The following PSG8 variants were observed in gnomAD, a reference collection of about 807,000 sequenced individuals.
PSG8 encodes the protein pregnancy specific beta-1-glycoprotein 8.
A neutral mutation model predicts 42.5 loss-of-function variants in PSG8; 57 were observed. The observed-to-expected ratio is 1.34, with a 90% CI of 1.08 to 1.67. The LOEUF (loss-of-function observed/expected upper bound fraction) is 1.67. Among genes scored for constraint, PSG8 ranks in the 40% most tolerant of loss-of-function variants. The pLI, the probability that PSG8 is intolerant of heterozygous loss-of-function variation, is 0.00. For missense variants in PSG8, 783 were observed against 518.6 expected (o/e 1.51, Z -4.95); for synonymous variants, 280 against 196.8 (o/e 1.42, Z -3.54).
At chr19:42,753,364 G>A (rs758343639), downstream of PSG8, 10 of 780,336 alleles carry the variant, frequency 1.3e-5, no homozygotes, top group Admixed American at 6.8e-5. Context: ...TAGAATTCAG[G>A]GTAATGTCCA....
chr19:42,762,380 T>C (rs759936417), intron 2 of PSG8, among the ~76,000 whole-genome samples: 1 of 151,968 alleles, frequency 6.6e-6, no homozygotes, highest in Admixed American at 6.6e-5. Context: ...CAGAATTACA[T>C]GAGCTGGGGT....
chr19:42,764,003 C>T lies in PSG8; in HGVS notation c.343G>A (p.Glu115Lys), dbSNP rs772994342. 6.2e-7 allele frequency: 1 copy of T among 1,613,626 alleles called. No individual in the cohort carries two copies. The highest frequency in any genetic ancestry group is 8.5e-7 in the Non-Finnish European group (1 of 1,179,830). ...ASLLIQNVTQ[E>K]DAGSYTLHII... Reference sequence around the variant, plus strand: ...TGTAAGGTGTAGGATCCTGCGTCTTCCTGGGTGACATTCTGGATCAGCAGG... The same window carrying T: ...TGTAAGGTGTAGGATCCTGCGTCTTTCTGGGTGACATTCTGGATCAGCAGG... Residue 115 changes from glutamate to lysine, a missense_variant, in exon 2 of 5, where the codon GAA becomes AAA. Glu to Lys is a moderately conservative substitution (Grantham distance 56). Coordinates refer to ENST00000306511, the MANE Select transcript of PSG8 (RefSeq NM_182707.3).
At chr19:42,762,213 G>A (rs1319674913) in intron 2 of PSG8, among the ~76,000 whole-genome samples, 2 of 151,964 alleles carry the variant, frequency 1.3e-5, no homozygotes, top group Non-Finnish European at 2.9e-5. Flanking sequence ...GAAGTGGGAG[G>A]AAGATGAGGG....
downstream of PSG8, chr19:42,754,150 C>A: frequency 6.9e-7 from 1 of 1,440,094 alleles, no homozygotes; most frequent in Non-Finnish European, 9.4e-7. Flanking sequence ...ATGAAGATAT[C>A]AGCCTGTTTG....
chr19:42,757,020 C>G (rs1568375851), intron 3 of PSG8, among the ~76,000 whole-genome samples: 1 of 151,948 alleles, frequency 6.6e-6, no homozygotes, highest in Non-Finnish European at 1.5e-5. Flanking sequence ...TTTCAGCAAT[C>G]TTTTGTAGTT....
chr19:42,760,740 G>GGTTCT (rs1373019602), intron 2 of PSG8, among the ~76,000 whole-genome samples: 1 of 151,994 alleles, frequency 6.6e-6, no homozygotes, highest in African/African-American at 2.4e-5. Context: ...CCGCCACCAT[G>GGTTCT]GCTGGCTAAT....
In PSG8 at chr19:42,754,503, G is replaced by A; in HGVS notation, c.1073C>T (p.Ser358Phe). The change falls in exon 5 of 5, where the codon TCT becomes TTT. Residue 358 changes from serine to phenylalanine, a missense_variant. By Grantham distance (155) the Ser-to-Phe change is radical. Transcript: ENST00000306511. ...CCAAGAATACTGTGCCGGTGGGTTA[G>A]AGTCCGCAGAACAGGACAAGTAGAG... is the stretch of plus-strand genomic sequence containing the variant. The part of the protein sequence containing the change: ...EVLYLSCSAD[S>F]NPPAQYSWTI... 1.2e-6 allele frequency: 2 copies of A among 1,613,890 alleles called. No individual in the cohort carries two copies. Among genetic ancestry groups the A allele is most frequent in the Middle Eastern group, 1.7e-4 (1 of 6,052 alleles).
intron 3 of PSG8, among the ~76,000 whole-genome samples, chr19:42,756,768 T>C (rs1189335498): frequency 6.6e-6 from 1 of 152,084 alleles, no homozygotes; most frequent in Admixed American, 6.5e-5. Flanking sequence ...ATCAGAACTT[T>C]CCACCTTTTC....
intron 1 of PSG8, among the ~76,000 whole-genome samples, chr19:42,764,505 C>G (rs947669514): frequency 9.2e-5 from 14 of 151,930 alleles, no homozygotes; most frequent in East Asian, 3.9e-4. Flanking sequence ...GCCCCATGAC[C>G]CCCATTCCTT....
chr19:42,754,872 G>C (rs981422208), intron 4 of PSG8, 116 bp downstream of exon 4: 1 of 1,549,416 alleles, frequency 6.5e-7, no homozygotes. Context: ...GGCCAGCTCG[G>C]ATGTCCAGAA....
intron 3 of PSG8, chr19:42,755,999 C>T (rs1568375333): frequency 6.5e-6 from 1 of 152,862 alleles, no homozygotes; most frequent in Non-Finnish European, 1.5e-5. Flanking sequence ...GTTGCCTGTC[C>T]TGCGTTCAAG....
intron 3 of PSG8, chr19:42,756,002 C>T (rs1357855141): frequency 2.6e-5 from 4 of 152,694 alleles, no homozygotes; most frequent in East Asian, 1.9e-4. Flanking sequence ...GCCTGTCCTG[C>T]GTTCAAGTTT....
intron 4 of PSG8, 107 bp from the exon 5 acceptor site, chr19:42,754,694 G>A (rs1969871155): frequency 1.4e-6 from 2 of 1,388,646 alleles, no homozygotes; most frequent in East Asian, 2.4e-5. Context: ...ACACCCTCAA[G>A]TCCCAGCCCA....
downstream of PSG8, chr19:42,753,088 T>C: frequency 1.6e-6 from 1 of 614,344 alleles, no homozygotes; most frequent in Non-Finnish European, 2.9e-6. Flanking sequence ...GAGAGCCTCA[T>C]CATGATGGGG....
downstream of PSG8, chr19:42,754,211 T>A: frequency 1.9e-6 from 3 of 1,569,866 alleles, no homozygotes; most frequent in South Asian, 2.4e-5. Flanking sequence ...GGAGGAGAAT[T>A]TGGGATTTGC....
At position 42,764,035 on chromosome 19, in the gene PSG8, T is replaced by C. The variant is rs766184721; in HGVS notation, c.311A>G (p.Asn104Ser). 11 of 1,613,880 alleles carry C rather than the reference T, an allele frequency of 6.8e-6. No homozygotes were observed. The highest frequency in any genetic ancestry group is 1.7e-5 in the Admixed American group (1 of 59,992). ...GACATTCTGGATCAGCAGGGATGCA[T>C]TGGAATATATTGTTTCTCGTCCACT... ...AYSGRETIYS[N>S]ASLLIQNVTQ... is the part of the protein sequence containing the mutation. Residue 104 changes from asparagine to serine, a missense_variant, in exon 2 of 5, where the codon AAT becomes AGT. Asn to Ser is a conservative substitution (Grantham distance 46). Transcript: ENST00000306511.
chr19:42,753,917 A>G (rs1465579994), downstream of PSG8: 4 of 526,546 alleles, frequency 7.6e-6, no homozygotes, highest in Admixed American at 1.1e-4. Context: ...GTAGAAAGCA[A>G]AAGTAAATAT....
At chr19:42,753,495 A>G, downstream of PSG8, 1 of 683,146 alleles carries the variant, frequency 1.5e-6, no homozygotes, top group Admixed American at 2.3e-5. Context: ...TAGTTTTACC[A>G]ATGATAATTT....
At chr19:42,762,888 A>T (rs369976956) in intron 2 of PSG8, among the ~76,000 whole-genome samples, 1 of 151,998 alleles carries the variant, frequency 6.6e-6, no homozygotes, top group African/African-American at 2.4e-5. Context: ...GTGAGCCCTC[A>T]CTTCTGGTGG....
Sources: gnomAD v4.1 joint callset for allele counts (sites outside exome capture counted in the v4.1 genomes callset) on GRCh38, gnomAD v4.1.1 for gene constraint, MANE v1.5 for transcripts, NCBI Gene and HGNC (gene_info 2026-07-23, HGNC 2026-07-21) for gene names.